GMPR: variants seen among roughly 807,000 people sequenced by gnomAD.
GMPR encodes GMP reductase 1.
In GMPR, 31 loss-of-function variants were observed where a neutral mutation model predicts 38.4. The observed-to-expected ratio is 0.81, with a 90% CI of 0.61 to 1.09. GMPR has a LOEUF of 1.09. Among genes scored for constraint, GMPR ranks in the 50% least tolerant of loss-of-function variants. The pLI is 0.00. For synonymous variants in GMPR, 162 were observed against 173.3 expected, an observed-to-expected ratio of 0.93 and a Z score of 0.51; for missense variants, 468 against 453.7, an observed-to-expected ratio of 1.03 and a Z score of -0.29.
At chr6:16,259,193 T>G (rs1057209609) in intron 4 of GMPR, 9 of 151,912 alleles carry the variant, frequency 5.9e-5, no homozygotes, top group African/African-American at 1.9e-4. Flanking sequence ...GGGGTTGGTT[T>G]GTTCTCTGGC....
intron 7 of GMPR, among the ~76,000 whole-genome samples, chr6:16,286,931 A>C (rs1432398541): frequency 6.6e-6 from 1 of 152,164 alleles, no homozygotes; most frequent in Admixed American, 6.5e-5. Flanking sequence ...AAAAATTAAA[A>C]AATAAATGGT....
At chr6:16,245,773 C>T (rs1448098544) in intron 1 of GMPR, among the ~76,000 whole-genome samples, 1 of 152,322 alleles carries the variant, frequency 6.6e-6, no homozygotes, top group African/African-American at 2.4e-5. Flanking sequence ...GAAGACAGTG[C>T]TCTGGAGCCC....
chr6:16,277,491 A>G (rs1036546215), intron 5 of GMPR, among the ~76,000 whole-genome samples: 86 of 152,324 alleles, frequency 5.6e-4, no homozygotes, highest in African/African-American at 2.0e-3. Flanking sequence ...TGCACACCAC[A>G]AGACCTCCGG....
At chr6:16,288,866 ACT>A (rs367654436) in intron 7 of GMPR, among the ~76,000 whole-genome samples, 1,598 of 151,998 alleles carry the variant, frequency 0.011, 17 homozygotes, top group Non-Finnish European at 0.016. Context: ...ACCAATCCAC[ACT>A]CTGTATCTAG....
chr6:16,290,707 C>T (rs1405319906), intron 8 of GMPR, 86 bp downstream of exon 8: 1 of 1,133,876 alleles, frequency 8.8e-7, no homozygotes, highest in Non-Finnish European at 1.3e-6. Context: ...TGAATAGCAG[C>T]TCTGTGTATA....
intron 4 of GMPR, among the ~76,000 whole-genome samples, chr6:16,264,002 G>A (rs1759140699): frequency 1.3e-5 from 2 of 151,854 alleles, no homozygotes; most frequent in South Asian, 4.1e-4. Flanking sequence ...GAAGGGATTA[G>A]GGTACTTGCC....
intron 8 of GMPR, among the ~76,000 whole-genome samples, chr6:16,293,910 A>G (rs776677525): frequency 2.0e-5 from 3 of 152,206 alleles, no homozygotes; most frequent in Non-Finnish European, 4.4e-5. Flanking sequence ...TTTTGCCTAG[A>G]TTTCAGATTT....
intron 4 of GMPR, among the ~76,000 whole-genome samples, chr6:16,266,105 TTGCCATCTTTAAGAGCTGTAAC>T (rs1759205908): frequency 2.5e-5 from 1 of 40,474 alleles, no homozygotes; most frequent in Non-Finnish European, 5.7e-5. Context: ...GCTGTAACAC[TTGCCATCTTTAAGAGCTGTAAC>T]ACTTGCCATC....
rs565556457 is a variant in GMPR at position 16,259,745 on chromosome 6, G to T, written c.465+5010G>T. 5.6e-4 allele frequency among the ~76,000 whole-genome samples: 86 copies of T among 152,240 alleles called. No homozygotes were observed. The Middle Eastern group carries it at 0.014, about 24-fold the overall frequency. On this transcript the variant is annotated intron_variant, in intron 4 of 8. Coordinates refer to ENST00000259727, the MANE Select transcript of GMPR (RefSeq NM_006877.4). ...AGAAGGAGAAAAACAGGTATTAAAGGTCTAAGAATTGGGAGGACCTAGGAC... is the reference window on the plus strand; with the variant it reads ...AGAAGGAGAAAAACAGGTATTAAAGTTCTAAGAATTGGGAGGACCTAGGAC...
chr6:16,250,900 GT>G (rs1758860890), intron 3 of GMPR, among the ~76,000 whole-genome samples: 1 of 54,046 alleles, frequency 1.9e-5, no homozygotes, highest in African/African-American at 7.9e-5. Context: ...GACAATAAAT[GT>G]TGTTGAGGAT....
At chr6:16,270,151 TCTTGG>T (rs1033955610) in intron 4 of GMPR, among the ~76,000 whole-genome samples, 4 of 152,250 alleles carry the variant, frequency 2.6e-5, no homozygotes, top group South Asian at 2.1e-4. Flanking sequence ...GTACTTGAAG[TCTTGG>T]CTTGGCCACT....
chr6:16,238,826 G>A, intron 1 of GMPR, 46 bp downstream of exon 1: 1 of 1,083,884 alleles, frequency 9.2e-7, no homozygotes, highest in Non-Finnish European at 1.3e-6. Flanking sequence ...TTTTTTTTCC[G>A]GGTGGCGCGG....
At chr6:16,259,144 A>G (rs1367874794) in intron 4 of GMPR, 1 of 152,008 alleles carries the variant, frequency 6.6e-6, no homozygotes, top group Non-Finnish European at 1.5e-5. Context: ...GGGCCGTTTT[A>G]TAGGATTTGG....
At chr6:16,274,065 C>T (rs574460787) in intron 4 of GMPR, among the ~76,000 whole-genome samples, 9 of 152,252 alleles carry the variant, frequency 5.9e-5, no homozygotes, top group Non-Finnish European at 1.3e-4. Context: ...CTGCCTGCTT[C>T]GGGCTCCCAA....
At chr6:16,246,034 C>T (rs1758748647) in intron 1 of GMPR, among the ~76,000 whole-genome samples, 1 of 152,218 alleles carries the variant, frequency 6.6e-6, no homozygotes, top group African/African-American at 2.4e-5. Flanking sequence ...AGCAGTTAGC[C>T]TTCCTGGGAT....
intron 1 of GMPR, among the ~76,000 whole-genome samples, chr6:16,239,564 T>C (rs561240891): frequency 6.6e-6 from 1 of 152,214 alleles, no homozygotes; most frequent in South Asian, 2.1e-4. Context: ...CCCGGGGTGG[T>C]GTGCGCTGGT....
At chr6:16,278,712 G>A (rs1206627026) in intron 5 of GMPR, 72 bp from the exon 6 acceptor site, 6 of 1,044,320 alleles carry the variant, frequency 5.7e-6, no homozygotes, top group Admixed American at 5.1e-5. Flanking sequence ...CAAAGGTAAG[G>A]GGGACGCATT....
At chr6:16,267,329 G>A (rs1398993605) in intron 4 of GMPR, among the ~76,000 whole-genome samples, 2 of 151,862 alleles carry the variant, frequency 1.3e-5, no homozygotes, top group Admixed American at 6.5e-5. Context: ...CCGAGATCGC[G>A]CCACTGCACT....
intron 4 of GMPR, among the ~76,000 whole-genome samples, chr6:16,257,687 C>G (rs1759006870): frequency 1.3e-5 from 2 of 152,188 alleles, no homozygotes; most frequent in Non-Finnish European, 2.9e-5. Flanking sequence ...ATTCCAAAAT[C>G]AAGGTGTTGG....
Sources: allele counts gnomAD v4.1 joint callset (sites outside exome capture counted in the v4.1 genomes callset), GRCh38; gene constraint gnomAD v4.1.1; transcripts MANE v1.5; gene names NCBI Gene and HGNC (gene_info 2026-07-23, HGNC 2026-07-21).